The following GRB10 variants were observed in gnomAD, a reference collection of about 807,000 sequenced individuals.
The protein encoded by GRB10 is growth factor receptor bound protein 10.
Under a neutral mutation model 80.9 loss-of-function variants are expected in GRB10, and 20 were observed. The ratio of observed to expected loss-of-function variants is 0.25; its 90% CI spans 0.17 to 0.36. GRB10 has a LOEUF of 0.36. Ranked by LOEUF, GRB10 falls within the 10% of genes least tolerant of loss-of-function variation. The probability of loss-of-function intolerance (pLI) is 1.00; values close to 1 mark genes in which losing one functional copy is unlikely to be tolerated. For synonymous variants in GRB10, 291 were observed against 291.5 expected (o/e 1.00, Z 0.02); for missense variants, 548 against 747.7 (o/e 0.73, Z 3.12).
intron 7 of GRB10, among the ~76,000 whole-genome samples, chr7:50,658,189 A>G (rs1319947334): frequency 1.3e-5 from 2 of 152,232 alleles, no homozygotes; most frequent in African/African-American, 2.4e-5. Flanking sequence ...GTATAAATAA[A>G]GCGCCAATGT....
intron 10 of GRB10, among the ~76,000 whole-genome samples, chr7:50,617,230 C>T (rs921900105): frequency 7.2e-5 from 11 of 152,196 alleles, no homozygotes; most frequent in African/African-American, 2.7e-4. Context: ...ACCACCAGAA[C>T]AGAGCTCTGA....
At chr7:50,633,595 T>C (rs2054398546) in intron 7 of GRB10, among the ~76,000 whole-genome samples, 1 of 151,922 alleles carries the variant, frequency 6.6e-6, no homozygotes, top group Non-Finnish European at 1.5e-5. Context: ...GAATTCAAGA[T>C]ATGAAGTGTA....
At chr7:50,732,897 C>A (rs2070109500) in intron 3 of GRB10, among the ~76,000 whole-genome samples, 1 of 152,184 alleles carries the variant, frequency 6.6e-6, no homozygotes, top group Non-Finnish European at 1.5e-5. Context: ...TACATACTCT[C>A]CCCTGTGGGC....
Position 50,592,894 on chromosome 7 carries a change from C to T in GRB10, c.*58G>A. 6.3e-7 allele frequency: 1 copy of T among 1,591,510 alleles called. No individual in the cohort carries two copies. Among genetic ancestry groups the T allele is most frequent in the Admixed American group, 1.7e-5 (1 of 59,992 alleles). The stretch of plus-strand genomic sequence containing the variant: ...TGTGTGTTCTTCACCAACGCACAGA[C>T]CGCTTCTTCACTCCAGTGTTCACTT... On this transcript the variant is annotated 3_prime_UTR_variant, in exon 19 of 19. Coordinates refer to ENST00000401949, the MANE Select transcript of GRB10 (RefSeq NM_001350814.2).
rs1405075156 is a variant in GRB10, at chr7:50,749,132, TTG to T, written c.-47+6753_-47+6754del. ...TTTTTGTTTTGTTTTGTTTTTTTGT[TTG>T]TTTTTTTTTTTTGAGATGGAGTCTC... On this transcript the variant is annotated intron_variant, in intron 3 of 18. Coordinates refer to ENST00000401949, the MANE Select transcript of GRB10 (RefSeq NM_001350814.2). Among the ~76,000 whole-genome samples, 3 of 142,164 alleles carry T rather than the reference TTG, an allele frequency of 2.1e-5. No homozygotes were observed. The Admixed American group carries it at 2.1e-4, about 10-fold the overall frequency. The allele number at this position is 142,164 out of a possible 152,430, so 93.3% of individuals were successfully genotyped here.
chr7:50,596,169 G>GA (rs1237179140), intron 17 of GRB10, among the ~76,000 whole-genome samples: 1 of 152,082 alleles, frequency 6.6e-6, no homozygotes, highest in Non-Finnish European at 1.5e-5. Context: ...AGGTGGATGA[G>GA]AAAAAAGAGT....
At chr7:50,622,329 G>A (rs139425194) in intron 8 of GRB10, among the ~76,000 whole-genome samples, 281 of 152,260 alleles carry the variant, frequency 1.8e-3, no homozygotes, top group African/African-American at 6.2e-3. Context: ...AACAGGCGCC[G>A]GCTGTTTCTC....
chr7:50,740,117 T>A (rs1482383304), intron 3 of GRB10, among the ~76,000 whole-genome samples: 1 of 152,178 alleles, frequency 6.6e-6, no homozygotes, highest in Non-Finnish European at 1.5e-5. Context: ...TTTACTGCAT[T>A]CCTTAGGAAA....
intron 4 of GRB10, among the ~76,000 whole-genome samples, chr7:50,731,566 G>A (rs10280509): frequency 0.15 from 23,489 of 152,152 alleles, 2,422 homozygotes; most frequent in East Asian, 0.36. Context: ...ACCAGGATTC[G>A]CGAATCAAAT....
intron 7 of GRB10, among the ~76,000 whole-genome samples, chr7:50,634,795 A>G (rs2054639114): frequency 6.6e-6 from 1 of 152,254 alleles, no homozygotes; most frequent in Non-Finnish European, 1.5e-5. Context: ...AAAAGAGACA[A>G]TGAAGGGCAT....
intron 2 of GRB10, among the ~76,000 whole-genome samples, chr7:50,771,607 A>C (rs887476212): frequency 6.6e-6 from 1 of 152,184 alleles, no homozygotes; most frequent in Non-Finnish European, 1.5e-5. Flanking sequence ...CAGGAGCCAA[A>C]ACTAAACAGC....
rs186349477 is a variant in GRB10 at position 50,706,422 on chromosome 7, G to C, written c.52-2514C>G. 2.3e-3 allele frequency among the ~76,000 whole-genome samples: 344 copies of C among 152,278 alleles called. 2 individuals carry two copies. Among genetic ancestry groups the C allele is most frequent in the Non-Finnish European group, 3.9e-3 (267 of 68,034 alleles). ...TGCTTAGGATCCCTAGAAGTAGAAGGACTAGGCCAGAGGCCACGTGCACTT... is the reference window on the plus strand; with the variant it reads ...TGCTTAGGATCCCTAGAAGTAGAAGCACTAGGCCAGAGGCCACGTGCACTT... On this transcript the variant is annotated intron_variant, in intron 4 of 18. Coordinates refer to ENST00000401949, the MANE Select transcript of GRB10 (RefSeq NM_001350814.2).
At chr7:50,659,411 G>A (rs1057108383) in intron 7 of GRB10, among the ~76,000 whole-genome samples, 34 of 152,130 alleles carry the variant, frequency 2.2e-4, no homozygotes, top group African/African-American at 8.2e-4. Flanking sequence ...AGAGCTGAGG[G>A]AGCCTAGCCA....
chr7:50,644,461 C>T (rs1159352365), intron 7 of GRB10, among the ~76,000 whole-genome samples: 3 of 152,156 alleles, frequency 2.0e-5, no homozygotes, highest in African/African-American at 7.2e-5. Flanking sequence ...AGCAGCCCCC[C>T]AGCAACCTGA....
intron 1 of GRB10, chr7:50,793,152 G>A (rs2079008543): frequency 7.0e-6 from 1 of 143,490 alleles, no homozygotes; most frequent in Non-Finnish European, 1.5e-5. Context: ...GGACCCGCCT[G>A]GCCGTCCCGG....
intron 8 of GRB10, among the ~76,000 whole-genome samples, chr7:50,621,712 T>C (rs760834523): frequency 1.6e-4 from 24 of 152,238 alleles, no homozygotes; most frequent in Non-Finnish European, 2.9e-4. Flanking sequence ...AAACTGCATA[T>C]GATTACAATG....
chr7:50,607,396 C>T (rs1244724927), intron 13 of GRB10, among the ~76,000 whole-genome samples: 1 of 152,172 alleles, frequency 6.6e-6, no homozygotes. Context: ...AATCATTCAA[C>T]TTCACATTCA....
In GRB10 at chr7:50,606,334, T is replaced by C; in HGVS notation, c.1272+3A>G. ...GACTTCTGAAGCTCCTGGCTTTACT[T>C]ACCACTGGCGTCGAGAACGGGGACA... On this transcript the variant is annotated splice_donor_region_variant and intron_variant, in intron 14 of 18. Coordinates refer to ENST00000401949, the MANE Select transcript of GRB10 (RefSeq NM_001350814.2). The C allele has an allele frequency of 6.2e-7, 1 of 1,612,698 alleles. No homozygotes were observed. The highest frequency in any genetic ancestry group is 8.5e-7 in the Non-Finnish European group (1 of 1,178,698).
intron 3 of GRB10, among the ~76,000 whole-genome samples, chr7:50,737,680 C>T (rs1354750820): frequency 6.6e-6 from 1 of 152,130 alleles, no homozygotes; most frequent in Non-Finnish European, 1.5e-5. Context: ...GAAACCCCAT[C>T]TCTACTAAAT....
Sources: gnomAD v4.1 joint callset for allele counts (sites outside exome capture counted in the v4.1 genomes callset) on GRCh38, gnomAD v4.1.1 for gene constraint, MANE v1.5 for transcripts, NCBI Gene and HGNC (gene_info 2026-07-23, HGNC 2026-07-21) for gene names.